SEZ6L: variants seen among roughly 807,000 people sequenced by gnomAD.
SEZ6L encodes the protein seizure related 6 homolog like.
In SEZ6L, 37 loss-of-function variants were observed where a neutral mutation model predicts 106.2. The ratio of observed to expected loss-of-function variants is 0.35; its 90% CI spans 0.27 to 0.46. SEZ6L has a LOEUF of 0.46. Among genes scored for constraint, SEZ6L ranks in the 20% least tolerant of loss-of-function variants. The probability of loss-of-function intolerance (pLI) is 1.00; values close to 1 mark genes in which losing one functional copy is unlikely to be tolerated. For missense variants in SEZ6L, 1,172 were observed against 1,332.8 expected (o/e 0.88, Z 1.88); for synonymous variants, 541 against 570.4 (o/e 0.95, Z 0.73).
chr22:26,235,995 T>TCCTGGCCTTGG (rs776783245), intron 1 of SEZ6L, among the ~76,000 whole-genome samples: 1 of 152,238 alleles, frequency 6.6e-6, no homozygotes. Context: ...CAGAGGCACC[T>TCCTGGCCTTGG]CCTGGCCTTG....
chr22:26,247,297 T>C (rs760815792), intron 1 of SEZ6L, among the ~76,000 whole-genome samples: 6 of 152,182 alleles, frequency 3.9e-5, no homozygotes, highest in Non-Finnish European at 7.3e-5. Flanking sequence ...AGGCAAGTCA[T>C]TCCTCCTTTG....
chr22:26,284,494 T>G (rs1042291179), intron 1 of SEZ6L, among the ~76,000 whole-genome samples: 7 of 147,746 alleles, frequency 4.7e-5, no homozygotes, highest in Non-Finnish European at 8.9e-5. Context: ...CCTGTAACCC[T>G]AACTATTCTG....
At chr22:26,233,714 CA>C (rs1264076061) in intron 1 of SEZ6L, among the ~76,000 whole-genome samples, 1 of 152,170 alleles carries the variant, frequency 6.6e-6, no homozygotes, top group African/African-American at 2.4e-5. Context: ...ACACAGATGA[CA>C]AACAAGTAAA....
intron 12 of SEZ6L, among the ~76,000 whole-genome samples, chr22:26,357,826 G>A (rs1018142424): frequency 6.6e-6 from 1 of 152,114 alleles, no homozygotes; most frequent in Admixed American, 6.5e-5. Context: ...TAAGGACGTG[G>A]TGGATGACTC....
intron 12 of SEZ6L, among the ~76,000 whole-genome samples, chr22:26,362,028 T>TA (rs5844690): frequency 0.7 from 104,530 of 150,370 alleles, 36,651 homozygotes; most frequent in East Asian, 0.96. Flanking sequence ...CACCCTGCAT[T>TA]AAAAAAAAAT....
At chr22:26,229,660 G>A (rs1009400283) in intron 1 of SEZ6L, among the ~76,000 whole-genome samples, 7 of 152,312 alleles carry the variant, frequency 4.6e-5, no homozygotes, top group East Asian at 1.9e-4. Flanking sequence ...CTTAGGGAAC[G>A]TTTACAAAAC....
At chr22:26,324,368 A>G (rs2082248198) in intron 9 of SEZ6L, among the ~76,000 whole-genome samples, 1 of 152,160 alleles carries the variant, frequency 6.6e-6, no homozygotes, top group Non-Finnish European at 1.5e-5. Flanking sequence ...AAAAGGGCCT[A>G]ATAACAAACC....
intron 1 of SEZ6L, among the ~76,000 whole-genome samples, chr22:26,236,053 C>G (rs780218640): frequency 1.3e-5 from 2 of 152,198 alleles, no homozygotes; most frequent in Non-Finnish European, 2.9e-5. Flanking sequence ...CCCCCTGTCT[C>G]GGGCAACTTG....
intron 1 of SEZ6L, chr22:26,241,526 G>T (rs1317881364): frequency 6.6e-6 from 1 of 152,192 alleles, no homozygotes; most frequent in African/African-American, 2.4e-5. Flanking sequence ...ATATTAAACA[G>T]CCACTGAAAA....
chr22:26,325,788 C>G (rs1187691530), intron 9 of SEZ6L, among the ~76,000 whole-genome samples: 1 of 151,996 alleles, frequency 6.6e-6, no homozygotes, highest in Non-Finnish European at 1.5e-5. Flanking sequence ...TGAAATCATA[C>G]CATGTGCAGA....
rs79154331 is a variant in SEZ6L at position 26,381,911 on chromosome 22, G to T, written c.*1616G>T. ...GTCTGCTGGTTTTCAAACAAGAAAA[G>T]ACCTTTCTGGCCATAGGGAGAATAG... On this transcript the variant is annotated 3_prime_UTR_variant, in exon 17 of 17. Transcript: ENST00000248933. 1,171 of 434,984 alleles carry T rather than the reference G, an allele frequency of 2.7e-3. 7 individuals are homozygous for T. Among genetic ancestry groups the T allele is most frequent in the African/African-American group, 0.022 (1,051 of 48,778 alleles). The allele number at this position is 434,984 out of a possible 1,614,324, so 26.9% of individuals were successfully genotyped here. A position where few individuals can be genotyped will look rare whatever the true frequency, so the allele number is the denominator to read the frequency against.
chr22:26,327,733 A>G lies in SEZ6L; in HGVS notation c.2016-12703A>G, dbSNP rs1356550296. 6.6e-5 allele frequency among the ~76,000 whole-genome samples: 10 copies of G among 152,136 alleles called. 1 individual carries two copies. The highest frequency in any genetic ancestry group is 5.2e-4 in the Admixed American group (8 of 15,270). On this transcript the variant is annotated intron_variant, in intron 9 of 16. Coordinates refer to ENST00000248933, the MANE Select transcript of SEZ6L (RefSeq NM_021115.5). ...CGCACATGCGCCACACACTACACAA[A>G]CACACATACTGCCACATACACATCC...
At chr22:26,341,527 T>C (rs969002880) in intron 10 of SEZ6L, among the ~76,000 whole-genome samples, 1 of 152,146 alleles carries the variant, frequency 6.6e-6, no homozygotes, top group Non-Finnish European at 1.5e-5. Flanking sequence ...ATTTAAACAG[T>C]ACCAATATCC....
chr22:26,260,509 T>A (rs910398813), intron 1 of SEZ6L, among the ~76,000 whole-genome samples: 1 of 152,184 alleles, frequency 6.6e-6, no homozygotes. Context: ...CATATATACA[T>A]ATGACAATTT....
At chr22:26,222,314 C>T (rs1047522551) in intron 1 of SEZ6L, among the ~76,000 whole-genome samples, 1 of 152,162 alleles carries the variant, frequency 6.6e-6, no homozygotes, top group Non-Finnish European at 1.5e-5. Context: ...ACAGATGGAG[C>T]AAGTGAGGCA....
chr22:26,213,604 G>A (rs185405234), intron 1 of SEZ6L, among the ~76,000 whole-genome samples: 1 of 152,312 alleles, frequency 6.6e-6, no homozygotes, highest in East Asian at 1.9e-4. Context: ...TCCTTGACAA[G>A]AAGGATTAAA....
intron 4 of SEZ6L, among the ~76,000 whole-genome samples, chr22:26,297,546 T>C (rs1353983394): frequency 6.6e-6 from 1 of 152,176 alleles, no homozygotes; most frequent in Non-Finnish European, 1.5e-5. Flanking sequence ...GCAAGCAGCT[T>C]TCCTTCATTC....
intron 9 of SEZ6L, among the ~76,000 whole-genome samples, chr22:26,321,462 A>T (rs1039916518): frequency 2.6e-5 from 4 of 152,162 alleles, no homozygotes; most frequent in Non-Finnish European, 5.9e-5. Context: ...GCACTTAAAG[A>T]GATTAAAGCT....
intron 9 of SEZ6L, among the ~76,000 whole-genome samples, chr22:26,324,546 A>G (rs1444230711): frequency 6.6e-6 from 1 of 152,212 alleles, no homozygotes; most frequent in Admixed American, 6.5e-5. Flanking sequence ...TCTACCTGAG[A>G]GCCAGGAAAG....
Sources: gnomAD v4.1 joint callset for allele counts (sites outside exome capture counted in the v4.1 genomes callset) on GRCh38, gnomAD v4.1.1 for gene constraint, MANE v1.5 for transcripts, NCBI Gene and HGNC (gene_info 2026-07-23, HGNC 2026-07-21) for gene names.